The following MS4A8 variants were observed in gnomAD, a reference collection of about 807,000 sequenced individuals.
MS4A8 encodes membrane spanning 4-domains A8.
MS4A8 carries 27 observed loss-of-function variants against 23.7 expected under a neutral mutation model. That is an observed-to-expected ratio of 1.14 (90% CI 0.84 to 1.57). The LOEUF (loss-of-function observed/expected upper bound fraction) is 1.57, where lower values mean the gene tolerates loss of function less well. Among genes scored for constraint, MS4A8 ranks in the 40% most tolerant of loss-of-function variants. The pLI is 0.00. For missense variants in MS4A8, 301 were observed against 311.4 expected (o/e 0.97, Z 0.25); for synonymous variants, 138 against 126.3 (o/e 1.09, Z -0.62).
chr11:60,715,463 C>A lies in MS4A8; in HGVS notation c.*49C>A, dbSNP rs1323404920. On this transcript the variant is annotated 3_prime_UTR_variant, in exon 7 of 7. Coordinates refer to ENST00000300226, the MANE Select transcript of MS4A8 (RefSeq NM_031457.2). ...TTCACTGGGACCAAAAGAAGTCCTCCTCCCTTTCTGGGCTTCCATAACCCA... is the reference window on the plus strand; with the variant it reads ...TTCACTGGGACCAAAAGAAGTCCTCATCCCTTTCTGGGCTTCCATAACCCA... 6 of 1,485,876 alleles carry A rather than the reference C, an allele frequency of 4.0e-6. No individual in the cohort carries two copies. The East Asian group carries it at 1.4e-4, about 34-fold the overall frequency. The allele number at this position is 1,485,876 out of a possible 1,614,324, so 92.0% of individuals were successfully genotyped here.
rs201478139 is a variant in MS4A8, at chr11:60,708,755, G to A, written c.508G>A (p.Asp170Asn). The A allele has an allele frequency of 1.5e-5, 25 of 1,613,666 alleles. No homozygotes were observed. Among genetic ancestry groups the A allele is most frequent in the Middle Eastern group, 1.6e-4 (1 of 6,078 alleles). Residue 170 changes from aspartate (D) to asparagine (N), a missense_variant, in exon 5 of 7, where the codon GAC becomes AAC. Asp to Asn is a conservative substitution (Grantham distance 23). Coordinates refer to ENST00000300226, the MANE Select transcript of MS4A8 (RefSeq NM_031457.2). ...TATTCCCCACCCATATGCCTACCCC[G>A]ACTATTATCCTTACGCCTGGGGTGT... is the stretch of plus-strand genomic sequence containing the variant. ...LSIPHPYAYPDYYPYAWGVNP... is the reference protein window; with the variant it reads ...LSIPHPYAYPNYYPYAWGVNP...
At chr11:60,710,540 C>A (rs951509396) in intron 5 of MS4A8, among the ~76,000 whole-genome samples, 3 of 152,160 alleles carry the variant, frequency 2.0e-5, no homozygotes, top group Non-Finnish European at 2.9e-5. Context: ...TTTCCCCCAG[C>A]CCCTCTACTC....
At chr11:60,701,345 TG>T in intron 2 of MS4A8, 1 of 575,652 alleles carries the variant, frequency 1.7e-6, no homozygotes, top group Non-Finnish European at 3.3e-6. Flanking sequence ...TTGATCCTGT[TG>T]CCAGGATCCA....
At chr11:60,706,487 G>A (rs142724372) in intron 3 of MS4A8, among the ~76,000 whole-genome samples, 2 of 152,278 alleles carry the variant, frequency 1.3e-5, no homozygotes, top group South Asian at 2.1e-4. Flanking sequence ...CAGAGAAGAC[G>A]CTGGTAACCC....
At position 60,715,566 on chromosome 11, in the gene MS4A8, A is replaced by C; in HGVS notation, c.*152A>C. 6.4e-6 allele frequency: 4 copies of C among 623,008 alleles called. No homozygotes were observed. The highest frequency in any genetic ancestry group is 1.1e-5 in the Non-Finnish European group (4 of 355,912). 38.6% of individuals were successfully genotyped at this position (623,008 alleles called of 1,614,324 possible). On this transcript the variant is annotated 3_prime_UTR_variant, in exon 7 of 7. Coordinates refer to ENST00000300226, the MANE Select transcript of MS4A8 (RefSeq NM_031457.2). ...TCACCTTCATTCTTCAATTCAGTCT[A>C]GGAAACCATGCTGTTTCTCTATCAA...
At chr11:60,710,081 C>T (rs892159849) in intron 5 of MS4A8, among the ~76,000 whole-genome samples, 2 of 152,144 alleles carry the variant, frequency 1.3e-5, no homozygotes, top group Non-Finnish European at 2.9e-5. Context: ...CTTCCAGGCT[C>T]CACCCTCACT....
chr11:60,705,622 G>C (rs983160127), intron 3 of MS4A8, among the ~76,000 whole-genome samples: 2 of 152,258 alleles, frequency 1.3e-5, no homozygotes, highest in African/African-American at 4.8e-5. Context: ...ATAAACAGAA[G>C]GGTGTGAGCC....
At chr11:60,712,169 C>T (rs1565053752) in intron 5 of MS4A8, 1 of 300,340 alleles carries the variant, frequency 3.3e-6, no homozygotes, top group South Asian at 5.5e-5. Context: ...CTGCACTCCC[C>T]TTTTCCTGGG....
At chr11:60,712,337 C>T (rs2088306976) in intron 5 of MS4A8, 2 of 984,920 alleles carry the variant, frequency 2.0e-6, no homozygotes, top group African/African-American at 3.5e-5. Flanking sequence ...TAGATTGTGC[C>T]TCTCAGGATG....
intron 5 of MS4A8, among the ~76,000 whole-genome samples, chr11:60,711,293 T>C (rs2088298314): frequency 6.6e-6 from 1 of 152,186 alleles, no homozygotes; most frequent in African/African-American, 2.4e-5. Context: ...TTAACTGTTG[T>C]TTGTATTTGA....
chr11:60,714,740 C>T (rs1441956428), intron 5 of MS4A8, among the ~76,000 whole-genome samples: 1 of 152,160 alleles, frequency 6.6e-6, no homozygotes, highest in Non-Finnish European at 1.5e-5. Flanking sequence ...CCAGAGCACA[C>T]CCTCAGGTCT....
chr11:60,715,349 G>A lies in MS4A8; in HGVS notation c.688G>A (p.Val230Met), dbSNP rs1245425172. 1.2e-6 allele frequency: 2 copies of A among 1,613,918 alleles called. No individual in the cohort carries two copies. Among genetic ancestry groups the A allele is most frequent in the Non-Finnish European group, 1.7e-6 (2 of 1,180,010 alleles). ...IYPNIYAANP[V>M]ITPEPVTSPP... ...TCCAAACATCTATGCAGCAAACCCA[G>A]TGATCACCCCAGAACCGGTGACCTC... The change falls in exon 7 of 7, where the codon GTG becomes ATG. Residue 230 changes from valine (V) to methionine (M), a missense_variant. By Grantham distance (21) the Val-to-Met change is conservative. Coordinates refer to ENST00000300226, the MANE Select transcript of MS4A8 (RefSeq NM_031457.2).
chr11:60,701,479 G>C, intron 2 of MS4A8: 2 of 367,174 alleles, frequency 5.4e-6, no homozygotes, highest in Non-Finnish European at 1.1e-5. Context: ...AGCAGGTTAG[G>C]CAACCAACAA....
intron 5 of MS4A8, chr11:60,712,527 C>T (rs906926633): frequency 2.0e-6 from 2 of 984,402 alleles, no homozygotes; most frequent in Non-Finnish European, 2.4e-6. Context: ...GTCACGGTGG[C>T]TCACACCTGT....
At chr11:60,707,303 G>A (rs940347529) in intron 4 of MS4A8, among the ~76,000 whole-genome samples, 2 of 150,636 alleles carry the variant, frequency 1.3e-5, no homozygotes, top group African/African-American at 5.0e-5. Flanking sequence ...ATCAGAGTAT[G>A]GAGAGCGAGA....
At chr11:60,712,420 G>A in intron 5 of MS4A8, 2 of 985,304 alleles carry the variant, frequency 2.0e-6, no homozygotes, top group Non-Finnish European at 2.4e-6. Flanking sequence ...AGAAGAAAAG[G>A]GGCTAAGGAG....
In MS4A8 at chr11:60,715,278, T is replaced by C. The variant is rs1049647750; in HGVS notation, c.649-32T>C. On this transcript the variant is annotated intron_variant, in intron 6 of 6. Transcript: ENST00000300226. The stretch of plus-strand genomic sequence containing the variant: ...CCTTTGGTGCATGGCCCGTCCTTCT[T>C]AGCATGCCCCCTGTGTGCCTGTGTT... The C allele has an allele frequency of 3.1e-6, 5 of 1,595,094 alleles. No homozygotes were observed. The Admixed American group carries it at 6.7e-5, about 21-fold the overall frequency.
intron 5 of MS4A8, among the ~76,000 whole-genome samples, chr11:60,710,343 G>C (rs1389622430): frequency 6.6e-6 from 1 of 152,140 alleles, no homozygotes; most frequent in Non-Finnish European, 1.5e-5. Context: ...CTGATCTCCA[G>C]ATTTCACTTC....
chr11:60,700,178 A>G (rs1311863749), intron 1 of MS4A8, among the ~76,000 whole-genome samples: 3 of 152,202 alleles, frequency 2.0e-5, no homozygotes, highest in African/African-American at 2.4e-5. Context: ...ATTGAACTCA[A>G]TGTTGTCCAA....
Sources: gnomAD v4.1 joint callset for allele counts (sites outside exome capture counted in the v4.1 genomes callset) on GRCh38, gnomAD v4.1.1 for gene constraint, MANE v1.5 for transcripts, NCBI Gene and HGNC (gene_info 2026-07-23, HGNC 2026-07-21) for gene names.